RPSA2: variants seen among roughly 807,000 people sequenced by gnomAD.
RPSA2 encodes ribosomal protein SA 2, also known as small ribosomal subunit protein uS2B.
the RPSA2 span, among the ~76,000 whole-genome samples, chr19:23,868,528 T>G: frequency 6.6e-6 from 1 of 152,154 alleles, no homozygotes; most frequent in Non-Finnish European, 1.5e-5. Flanking sequence ...AAAGGGTGAT[T>G]GGACACCAGC....
At chr19:23,858,407 AAATTG>A in the RPSA2 span, among the ~76,000 whole-genome samples, 8 of 152,140 alleles carry the variant, frequency 5.3e-5, no homozygotes, top group African/African-American at 1.7e-4. Context: ...TTGTATAGAT[AAATTG>A]AAAAGAACAA....
chr19:23,808,435 T>C, the RPSA2 span, among the ~76,000 whole-genome samples: 4 of 151,806 alleles, frequency 2.6e-5, no homozygotes, highest in Admixed American at 6.6e-5. Flanking sequence ...CCCAGCTAAT[T>C]TTTGTATTTT....
the RPSA2 span, among the ~76,000 whole-genome samples, chr19:23,785,643 G>C: frequency 2.6e-5 from 4 of 151,662 alleles, no homozygotes; most frequent in African/African-American, 7.3e-5. Context: ...TGACACTCCT[G>C]TCTGGTCCCT....
chr19:23,853,080 G>C, the RPSA2 span, among the ~76,000 whole-genome samples: 94 of 152,366 alleles, frequency 6.2e-4, no homozygotes, highest in Admixed American at 1.3e-3. Context: ...CCAATATAAA[G>C]CTGGCAGATG....
At chr19:23,852,139 G>T in the RPSA2 span, among the ~76,000 whole-genome samples, 1 of 152,230 alleles carries the variant, frequency 6.6e-6, no homozygotes, top group Admixed American at 6.5e-5. Flanking sequence ...CAACTGGGCA[G>T]TTTGGATTCT....
chr19:23,802,446 A>G, the RPSA2 span, among the ~76,000 whole-genome samples: 2 of 152,244 alleles, frequency 1.3e-5, no homozygotes, highest in African/African-American at 4.8e-5. Context: ...TTGGTCCATC[A>G]GCCCAGGGTC....
the RPSA2 span, among the ~76,000 whole-genome samples, chr19:23,787,519 G>A: frequency 6.6e-6 from 1 of 152,104 alleles, no homozygotes; most frequent in African/African-American, 2.4e-5. Flanking sequence ...TGAGGCAGGA[G>A]AATTGGTTGA....
the RPSA2 span, among the ~76,000 whole-genome samples, chr19:23,777,035 C>T: frequency 8.5e-5 from 13 of 152,304 alleles, no homozygotes; most frequent in Admixed American, 3.9e-4. Context: ...ATGTGACTCT[C>T]CTCTCATGCC....
the RPSA2 span, chr19:23,808,689 G>T: frequency 1.7e-6 from 1 of 594,942 alleles, no homozygotes. Flanking sequence ...ATATGAGCAA[G>T]ATTCATGTTA....
chr19:23,867,674 C>CA, the RPSA2 span, among the ~76,000 whole-genome samples: 1 of 151,922 alleles, frequency 6.6e-6, no homozygotes. Context: ...ACTAAAAATA[C>CA]AAAAAATTAG....
chr19:23,818,506 G>A, the RPSA2 span: 1 of 152,706 alleles, frequency 6.5e-6, no homozygotes, highest in African/African-American at 2.4e-5. Context: ...TCTTGGGCTA[G>A]GAGGTAGTCT....
At chr19:23,871,000 G>C in the RPSA2 span, among the ~76,000 whole-genome samples, 3 of 152,146 alleles carry the variant, frequency 2.0e-5, no homozygotes, top group African/African-American at 4.8e-5. Context: ...GGAGCCTACT[G>C]TTTAAAGAAT....
At chr19:23,813,174 C>T in the RPSA2 span, among the ~76,000 whole-genome samples, 1 of 141,004 alleles carries the variant, frequency 7.1e-6, no homozygotes, top group Admixed American at 7.7e-5. Context: ...TGTGAGGCTG[C>T]AGTGAGCCAT....
At chr19:23,806,233 C>T in the RPSA2 span, among the ~76,000 whole-genome samples, 1 of 151,576 alleles carries the variant, frequency 6.6e-6, no homozygotes, top group East Asian at 2.0e-4. Context: ...TTAGTAGAGA[C>T]GGGGTTTTAC....
the RPSA2 span, among the ~76,000 whole-genome samples, chr19:23,766,142 CCTTTTTTTTTTTTTTTTT>C: frequency 4.6e-5 from 2 of 43,260 alleles, no homozygotes; most frequent in Non-Finnish European, 1.0e-4. Context: ...TATTTCATTT[CCTTTTTTTTTTTTTTTTT>C]TTTTTTTTTT....
chr19:23,849,747 C>T, the RPSA2 span, among the ~76,000 whole-genome samples: 1 of 152,142 alleles, frequency 6.6e-6, no homozygotes, highest in African/African-American at 2.4e-5. Context: ...TTAAATAGCC[C>T]TTTGGTGCCC....
chr19:23,868,938 T>A, the RPSA2 span, among the ~76,000 whole-genome samples: 1 of 152,044 alleles, frequency 6.6e-6, no homozygotes, highest in Non-Finnish European at 1.5e-5. Context: ...CCCTATAACC[T>A]GGGGGACACT....
chr19:23,819,938 C>G, the RPSA2 span, among the ~76,000 whole-genome samples: 1 of 152,186 alleles, frequency 6.6e-6, no homozygotes, highest in Non-Finnish European at 1.5e-5. Flanking sequence ...GCTATGAATG[C>G]TGGTCCATTG....
the RPSA2 span, chr19:23,842,519 G>C: frequency 9.6e-6 from 1 of 103,840 alleles, no homozygotes; most frequent in Non-Finnish European, 2.0e-5. Flanking sequence ...ATGACCACTT[G>C]CTAAATATGT....
Sources: gnomAD v4.1 joint callset for allele counts (sites outside exome capture counted in the v4.1 genomes callset) on GRCh38, gnomAD v4.1.1 for gene constraint, MANE v1.5 for transcripts, NCBI Gene and HGNC (gene_info 2026-07-23, HGNC 2026-07-21) for gene names.